Variants in PTPRT observed in about 807,000 individuals in gnomAD.
The protein encoded by PTPRT is receptor-type tyrosine-protein phosphatase T.
PTPRT carries 56 observed loss-of-function variants against 176.8 expected under a neutral mutation model. The observed-to-expected ratio is 0.32, with a 90% CI of 0.26 to 0.40. PTPRT has a LOEUF of 0.40. Ranked by LOEUF, PTPRT falls within the 10% of genes least tolerant of loss-of-function variation. The pLI, the probability that PTPRT is intolerant of heterozygous loss-of-function variation, is 1.00. For missense variants in PTPRT, 1,540 were observed against 1,908.2 expected (o/e 0.81, Z 3.60); for synonymous variants, 783 against 739.0 (o/e 1.06, Z -0.96).
At chr20:42,181,425 A>G (rs1600641708) in intron 16 of PTPRT, among the ~76,000 whole-genome samples, 1 of 152,166 alleles carries the variant, frequency 6.6e-6, no homozygotes, top group East Asian at 1.9e-4. Context: ...GACTAGGACA[A>G]AGATACAAGG....
At chr20:42,677,077 T>C (rs2075517487) in intron 7 of PTPRT, among the ~76,000 whole-genome samples, 1 of 151,926 alleles carries the variant, frequency 6.6e-6, no homozygotes, top group Non-Finnish European at 1.5e-5. Context: ...GACTCTTAGG[T>C]AGGGATAGGA....
At chr20:42,938,132 C>A (rs566776715) in intron 1 of PTPRT, among the ~76,000 whole-genome samples, 15 of 152,230 alleles carry the variant, frequency 9.9e-5, no homozygotes, top group Admixed American at 7.8e-4. Flanking sequence ...ACCCAAAGAA[C>A]AGACAGCTAA....
At chr20:42,164,956 T>C (rs1045078545) in intron 16 of PTPRT, among the ~76,000 whole-genome samples, 1 of 152,210 alleles carries the variant, frequency 6.6e-6, no homozygotes, top group African/African-American at 2.4e-5. Context: ...GCAATAATAT[T>C]TTGGATTTCT....
intron 7 of PTPRT, among the ~76,000 whole-genome samples, chr20:42,526,951 T>TTTTTC: frequency 1.4e-5 from 2 of 146,912 alleles, no homozygotes; most frequent in African/African-American, 2.5e-5. Context: ...TCTTGGTTCT[T>TTTTTC]TTTTCTTTTT....
intron 11 of PTPRT, among the ~76,000 whole-genome samples, chr20:42,350,233 T>TG (rs1568799588): frequency 1.7e-4 from 19 of 115,006 alleles, no homozygotes; most frequent in African/African-American, 4.1e-4. Flanking sequence ...TTTTTTTTTT[T>TG]TTTTTTTTTT....
At chr20:42,048,389 G>A in the PTPRT span, among the ~76,000 whole-genome samples, 2 of 152,206 alleles carry the variant, frequency 1.3e-5, no homozygotes, top group Admixed American at 6.5e-5. Context: ...TAGTGACTAG[G>A]TGACCAACAG....
intron 5 of PTPRT, among the ~76,000 whole-genome samples, chr20:42,758,802 C>G (rs981811312): frequency 6.6e-6 from 1 of 152,150 alleles, no homozygotes; most frequent in African/African-American, 2.4e-5. Flanking sequence ...CTTGAGCAGG[C>G]AATTTCACTG....
chr20:42,856,386 G>T (rs1015535726), intron 2 of PTPRT, among the ~76,000 whole-genome samples: 1 of 152,144 alleles, frequency 6.6e-6, no homozygotes, highest in Non-Finnish European at 1.5e-5. Flanking sequence ...GGAAGATTGT[G>T]TGTCCCCCAC....
chr20:42,345,561 C>CATATAT (rs200784403), intron 11 of PTPRT, among the ~76,000 whole-genome samples: 2 of 128,894 alleles, frequency 1.6e-5, no homozygotes, highest in African/African-American at 5.7e-5. Flanking sequence ...CACACACACA[C>CATATAT]ATATATATAC....
At chr20:42,791,107 C>T (rs1167739648) in intron 3 of PTPRT, 88 bp downstream of exon 3, 6 of 1,463,198 alleles carry the variant, frequency 4.1e-6, no homozygotes, top group African/African-American at 2.8e-5. Context: ...AAATGAAGTC[C>T]TTTCTAGACC....
At chr20:42,652,142 T>C (rs998940442) in intron 7 of PTPRT, among the ~76,000 whole-genome samples, 3 of 151,910 alleles carry the variant, frequency 2.0e-5, no homozygotes, top group Non-Finnish European at 4.4e-5. Flanking sequence ...GTAGAGAATG[T>C]AGGTAAAATG....
chr20:42,083,403 C>G (rs1983554814), intron 29 of PTPRT, among the ~76,000 whole-genome samples: 1 of 152,158 alleles, frequency 6.6e-6, no homozygotes. Flanking sequence ...GTGGGCAGAG[C>G]CAGCTGGGCT....
At chr20:42,086,937 T>TTTGAG (rs1984027384) in intron 27 of PTPRT, among the ~76,000 whole-genome samples, 1 of 150,534 alleles carries the variant, frequency 6.6e-6, no homozygotes, top group Non-Finnish European at 1.5e-5. Flanking sequence ...TCTTTCTATT[T>TTTGAG]ATCTGGAATT....
At chr20:42,540,399 G>T (rs1350816188) in intron 7 of PTPRT, among the ~76,000 whole-genome samples, 1 of 151,648 alleles carries the variant, frequency 6.6e-6, no homozygotes, top group Admixed American at 6.6e-5. Flanking sequence ...AGGAAAAAAA[G>T]AAAAAAAAGA....
At chr20:43,147,894 C>T (rs995732731) in intron 1 of PTPRT, among the ~76,000 whole-genome samples, 3 of 152,196 alleles carry the variant, frequency 2.0e-5, no homozygotes, top group African/African-American at 7.2e-5. Context: ...GAACCTGGCA[C>T]TCTCACCCAG....
intron 1 of PTPRT, among the ~76,000 whole-genome samples, chr20:42,892,513 T>G (rs2079211768): frequency 6.6e-6 from 1 of 151,378 alleles, no homozygotes; most frequent in Non-Finnish European, 1.5e-5. Flanking sequence ...AAAACTGGGC[T>G]AAACCTAAAA....
intron 4 of PTPRT, among the ~76,000 whole-genome samples, chr20:42,772,500 G>A (rs1416377237): frequency 6.6e-6 from 1 of 152,172 alleles, no homozygotes; most frequent in Non-Finnish European, 1.5e-5. Context: ...GTTTTATATT[G>A]GGTAACCTGG....
At chr20:43,082,753 A>AC (rs1245392745) in intron 1 of PTPRT, among the ~76,000 whole-genome samples, 2 of 151,782 alleles carry the variant, frequency 1.3e-5, no homozygotes, top group Non-Finnish European at 2.9e-5. Context: ...ATAGAAATTG[A>AC]CCCCCCCAAG....
chr20:42,670,461 C>G (rs975947602), intron 7 of PTPRT, among the ~76,000 whole-genome samples: 5 of 152,206 alleles, frequency 3.3e-5, no homozygotes, highest in Non-Finnish European at 5.9e-5. Flanking sequence ...AATGACTACT[C>G]TCACTTCATT....
Sources: gnomAD v4.1 joint callset for allele counts (sites outside exome capture counted in the v4.1 genomes callset) on GRCh38, gnomAD v4.1.1 for gene constraint, MANE v1.5 for transcripts, NCBI Gene and HGNC (gene_info 2026-07-23, HGNC 2026-07-21) for gene names.